The following RALB variants were observed in gnomAD, a reference collection of about 807,000 sequenced individuals.
RALB encodes RAS like proto-oncogene B, also known as ras-related protein Ral-B.
RALB carries 16 observed loss-of-function variants against 21.3 expected under a neutral mutation model. The observed-to-expected ratio is 0.75, with a 90% confidence interval of 0.51 to 1.14. The LOEUF (loss-of-function observed/expected upper bound fraction) is 1.14, where lower values mean the gene tolerates loss of function less well. Ranked by LOEUF, RALB falls within the 50% of genes most tolerant of loss-of-function variation. RALB has a pLI of 0.00. For synonymous variants in RALB, 93 were observed against 96.1 expected (o/e 0.97, Z 0.19); for missense variants, 161 against 256.2 (o/e 0.63, Z 2.54).
At chr2:120,253,703 A>T in intron 1 of RALB, 1 of 985,428 alleles carries the variant, frequency 1.0e-6, no homozygotes, top group Non-Finnish European at 1.2e-6. Context: ...TTCCAACGAG[A>T]AACGTTGGAA....
intron 2 of RALB, among the ~76,000 whole-genome samples, chr2:120,283,417 A>T (rs1450452779): frequency 6.6e-6 from 1 of 151,812 alleles, no homozygotes; most frequent in East Asian, 1.9e-4. Context: ...CACCATTCAG[A>T]CTCTTTGTTC....
upstream of RALB, chr2:120,252,741 A>T: frequency 1.0e-6 from 1 of 975,558 alleles, no homozygotes; most frequent in Non-Finnish European, 1.2e-6. Context: ...GGATTGGCTG[A>T]CAGCCCCCCG....
chr2:120,270,308 G>C (rs1689630133), intron 1 of RALB, among the ~76,000 whole-genome samples: 1 of 151,964 alleles, frequency 6.6e-6, no homozygotes, highest in Admixed American at 6.5e-5. Flanking sequence ...ACGCTTGTTT[G>C]AAAAAAATAA....
chr2:120,277,791 G>A (rs1361178803), intron 1 of RALB, among the ~76,000 whole-genome samples: 1 of 151,936 alleles, frequency 6.6e-6, no homozygotes, highest in Non-Finnish European at 1.5e-5. Flanking sequence ...GTGTGAGCCT[G>A]TGATAGTGTG....
At chr2:120,260,321 T>C (rs1367659868) in intron 1 of RALB, among the ~76,000 whole-genome samples, 1 of 152,186 alleles carries the variant, frequency 6.6e-6, no homozygotes, top group Non-Finnish European at 1.5e-5. Flanking sequence ...CTCTCACTAG[T>C]AGTGACTTCA....
At chr2:120,263,855 A>G (rs1689431354) in intron 1 of RALB, among the ~76,000 whole-genome samples, 1 of 149,888 alleles carries the variant, frequency 6.7e-6, no homozygotes, top group African/African-American at 2.5e-5. Context: ...TTTATTATTT[A>G]TTTATTTTTT....
intron 1 of RALB, among the ~76,000 whole-genome samples, chr2:120,247,062 G>A (rs1397955938): frequency 1.3e-5 from 2 of 152,186 alleles, no homozygotes; most frequent in East Asian, 1.9e-4. Flanking sequence ...ACCCCGTGGC[G>A]GCTTTTATCT....
chr2:120,253,837 C>A, intron 1 of RALB: 1 of 416,656 alleles, frequency 2.4e-6, no homozygotes, highest in Non-Finnish European at 3.2e-6. Flanking sequence ...TCATCTTCAG[C>A]CCTTGTAGAA....
chr2:120,240,141 C>A, intron 1 of RALB: 1 of 1,289,650 alleles, frequency 7.8e-7, no homozygotes, highest in South Asian at 1.2e-5. Flanking sequence ...TGCCCGCCCT[C>A]GGTGTGGATT....
chr2:120,280,411 C>T (rs1486351446), intron 2 of RALB, among the ~76,000 whole-genome samples: 3 of 152,052 alleles, frequency 2.0e-5, no homozygotes, highest in African/African-American at 4.8e-5. Context: ...GCAGGGACAT[C>T]GATGAAGCTG....
chr2:120,247,564 G>A (rs150286088), intron 1 of RALB, among the ~76,000 whole-genome samples: 176 of 152,214 alleles, frequency 1.2e-3, no homozygotes, highest in African/African-American at 4.0e-3. Flanking sequence ...AAAGTCCCTC[G>A]TAAAGTCCTG....
intron 1 of RALB, among the ~76,000 whole-genome samples, chr2:120,257,806 CAGGA>C (rs1689236552): frequency 6.6e-6 from 1 of 152,216 alleles, no homozygotes; most frequent in Non-Finnish European, 1.5e-5. Flanking sequence ...CTTCCTCCCA[CAGGA>C]AGGATTGGTG....
At chr2:120,272,216 T>G (rs1689681205) in intron 1 of RALB, among the ~76,000 whole-genome samples, 1 of 152,182 alleles carries the variant, frequency 6.6e-6, no homozygotes, top group Admixed American at 6.5e-5. Context: ...TCTCTCTTCC[T>G]TCTCTTATAA....
intron 1 of RALB, chr2:120,253,334 G>A: frequency 1.1e-6 from 1 of 950,924 alleles, no homozygotes. Context: ...TCAGTCCTCC[G>A]GCCGCGGCTT....
At position 120,285,743 on chromosome 2, in the gene RALB, G is replaced by A. The variant is rs1043296288; in HGVS notation, c.115-131G>A. On this transcript the variant is annotated intron_variant, in intron 2 of 4. Transcript: ENST00000272519. ...CAAAACAGAGCTATAAAGAACAGAA[G>A]TGTTACGTAAAATGTTGCTTCTGTA... 1.0e-4 allele frequency: 72 copies of A among 697,784 alleles called. No individual in the cohort carries two copies. In the East Asian group the frequency reaches 1.3e-3, roughly 13 times the overall value. The allele number at this position is 697,784 out of a possible 1,614,324, so 43.2% of individuals were successfully genotyped here.
intron 4 of RALB, among the ~76,000 whole-genome samples, chr2:120,291,775 A>T (rs1690309290): frequency 6.6e-6 from 1 of 151,948 alleles, no homozygotes; most frequent in African/African-American, 2.4e-5. Context: ...CTTTCCTGAG[A>T]GGCTGGCAAG....
At chr2:120,283,239 C>T (rs956793446) in intron 2 of RALB, among the ~76,000 whole-genome samples, 1 of 152,180 alleles carries the variant, frequency 6.6e-6, no homozygotes, top group Non-Finnish European at 1.5e-5. Flanking sequence ...TGGCCCAACA[C>T]AGATTTGTAG....
At chr2:120,268,570 A>T (rs1441037110) in intron 1 of RALB, among the ~76,000 whole-genome samples, 2 of 152,076 alleles carry the variant, frequency 1.3e-5, no homozygotes, top group East Asian at 3.9e-4. Context: ...CCAGGACGGG[A>T]GTGTGTGTGG....
At chr2:120,283,861 A>G (rs973069973) in intron 2 of RALB, among the ~76,000 whole-genome samples, 3 of 152,232 alleles carry the variant, frequency 2.0e-5, no homozygotes, top group African/African-American at 7.2e-5. Context: ...TTCTGTTTCC[A>G]GCTGAGCAAT....
Sources: gnomAD v4.1 joint callset for allele counts (sites outside exome capture counted in the v4.1 genomes callset) on GRCh38, gnomAD v4.1.1 for gene constraint, MANE v1.5 for transcripts, NCBI Gene and HGNC (gene_info 2026-07-23, HGNC 2026-07-21) for gene names.